Variants in ROBO2 observed in about 807,000 individuals in gnomAD.
The protein encoded by ROBO2 is roundabout homolog 2.
ROBO2 carries 53 observed loss-of-function variants against 160.8 expected under a neutral mutation model. The ratio of observed to expected loss-of-function variants is 0.33; its 90% confidence interval spans 0.26 to 0.41. The LOEUF is 0.41. Ranked by LOEUF, ROBO2 falls within the 10% of genes least tolerant of loss-of-function variation. The pLI is 1.00. For synonymous variants in ROBO2, 664 were observed against 611.7 expected (o/e 1.09, Z -1.26); for missense variants, 1,577 against 1,722.4 (o/e 0.92, Z 1.49).
intron 1 of ROBO2, among the ~76,000 whole-genome samples, chr3:75,916,998 CACACAT>C (rs1946840791): frequency 6.6e-6 from 1 of 151,914 alleles, no homozygotes; most frequent in Non-Finnish European, 1.5e-5. Flanking sequence ...TATATACACA[CACACAT>C]ACACATATTG....
intron 1 of ROBO2, among the ~76,000 whole-genome samples, chr3:77,059,801 A>G (rs544906864): frequency 6.6e-6 from 1 of 152,154 alleles, no homozygotes; most frequent in African/African-American, 2.4e-5. Context: ...CTCATACGTC[A>G]TGACATCAGG....
At chr3:76,185,203 T>TAC (rs1170992972) in intron 2 of ROBO2, among the ~76,000 whole-genome samples, 1 of 91,394 alleles carries the variant, frequency 1.1e-5, no homozygotes, top group African/African-American at 3.5e-5. Context: ...CAGATATATA[T>TAC]ATATATATAT....
At chr3:76,927,663 A>G (rs778448712) in intron 2 of ROBO2, among the ~76,000 whole-genome samples, 7 of 152,224 alleles carry the variant, frequency 4.6e-5, no homozygotes, top group Non-Finnish European at 1.0e-4. Context: ...TTTTAAATAT[A>G]TGCTTTTTCA....
chr3:77,457,303 CT>C (rs1039707696), intron 2 of ROBO2, among the ~76,000 whole-genome samples: 6 of 152,242 alleles, frequency 3.9e-5, no homozygotes, highest in East Asian at 1.9e-4. Flanking sequence ...ATTATTTCAA[CT>C]TTTTTTCTTT....
chr3:76,017,009 AAGC>A (rs2066424021), intron 2 of ROBO2, among the ~76,000 whole-genome samples: 1 of 152,160 alleles, frequency 6.6e-6, no homozygotes, highest in East Asian at 1.9e-4. Flanking sequence ...GAAAAAAAGA[AAGC>A]AGCCTGTGTT....
intron 2 of ROBO2, among the ~76,000 whole-genome samples, chr3:76,268,524 C>T (rs1437359224): frequency 6.6e-6 from 1 of 152,122 alleles, no homozygotes; most frequent in African/African-American, 2.4e-5. Context: ...TGTGTCCTCA[C>T]ATGGTCTTTC....
At chr3:77,315,740 T>G (rs1283808259) in intron 2 of ROBO2, among the ~76,000 whole-genome samples, 4 of 152,096 alleles carry the variant, frequency 2.6e-5, no homozygotes, top group Admixed American at 2.0e-4. Flanking sequence ...CGTCTTATTT[T>G]TAGAATAATA....
intron 2 of ROBO2, among the ~76,000 whole-genome samples, chr3:76,389,029 C>T (rs1160299901): frequency 1.3e-5 from 2 of 152,080 alleles, no homozygotes; most frequent in East Asian, 1.9e-4. Flanking sequence ...CTTAAAAAAA[C>T]TATACATAGA....
At chr3:76,666,405 T>G (rs1430912196) in intron 2 of ROBO2, among the ~76,000 whole-genome samples, 1 of 152,154 alleles carries the variant, frequency 6.6e-6, no homozygotes, top group African/African-American at 2.4e-5. Context: ...GACACTTATT[T>G]CAAGTATAAC....
intron 2 of ROBO2, among the ~76,000 whole-genome samples, chr3:76,046,513 G>A (rs1226108882): frequency 6.6e-6 from 1 of 150,838 alleles, no homozygotes; most frequent in Non-Finnish European, 1.5e-5. Flanking sequence ...GCCGGGCGTG[G>A]TGGCAGCGCC....
chr3:76,353,808 A>C (rs556903290), intron 2 of ROBO2, among the ~76,000 whole-genome samples: 1 of 151,870 alleles, frequency 6.6e-6, no homozygotes, highest in East Asian at 1.9e-4. Context: ...CTCTAAACGC[A>C]CTTCTAATTA....
chr3:76,305,685 G>C (rs1227639723), intron 2 of ROBO2, among the ~76,000 whole-genome samples: 2 of 151,636 alleles, frequency 1.3e-5, no homozygotes, highest in African/African-American at 4.9e-5. Flanking sequence ...CTTGAACCCA[G>C]GAGGCGGAGG....
chr3:76,511,302 T>G (rs768970564), intron 2 of ROBO2, among the ~76,000 whole-genome samples: 1 of 152,218 alleles, frequency 6.6e-6, no homozygotes, highest in Non-Finnish European at 1.5e-5. Context: ...TTCATTGTTA[T>G]GCTAATAAAA....
intron 2 of ROBO2, among the ~76,000 whole-genome samples, chr3:77,349,737 CT>C (rs1437831471): frequency 1.3e-5 from 2 of 152,144 alleles, no homozygotes; most frequent in Admixed American, 1.3e-4. Context: ...ACATCAGACT[CT>C]GTTAGTTAAT....
chr3:77,104,493 C>T (rs975409672), intron 2 of ROBO2, among the ~76,000 whole-genome samples: 6 of 152,056 alleles, frequency 3.9e-5, no homozygotes, highest in Non-Finnish European at 8.8e-5. Context: ...TTGCATTACT[C>T]CCACTTTTTT....
At chr3:76,826,250 T>A (rs1290923128) in intron 2 of ROBO2, among the ~76,000 whole-genome samples, 1 of 152,112 alleles carries the variant, frequency 6.6e-6, no homozygotes, top group Non-Finnish European at 1.5e-5. Flanking sequence ...GCATTGCAAT[T>A]GCCATGTAGA....
chr3:77,244,770 C>G (rs1044106322), intron 2 of ROBO2, among the ~76,000 whole-genome samples: 1 of 150,710 alleles, frequency 6.6e-6, no homozygotes, highest in East Asian at 2.0e-4. Flanking sequence ...CCCAGCTACT[C>G]GGGAGGCTGA....
rs531938509 is a variant in ROBO2 at position 76,668,204 on chromosome 3, A to G, written c.110-429810A>G. Among the ~76,000 whole-genome samples the G allele has an allele frequency of 9.9e-5, 15 of 152,140 alleles. No individual in the cohort carries two copies. In the South Asian group the frequency reaches 2.7e-3, roughly 27 times the overall value. ...AGCCTCGACCTCCTAGACTCTGGTG[A>G]TCCTCCCACCTCAGCTTCTGGAGTA... On this transcript the variant is annotated intron_variant, in intron 2 of 26. Transcript: ENST00000487694.
chr3:77,088,711 C>T (rs72631217), intron 1 of ROBO2, among the ~76,000 whole-genome samples: 14,907 of 152,060 alleles, frequency 0.098, 798 homozygotes, highest in East Asian at 0.23. Flanking sequence ...TTCTAAGGTA[C>T]GTTTTCAGTC....
Sources: allele counts gnomAD v4.1 joint callset (sites outside exome capture counted in the v4.1 genomes callset), GRCh38; gene constraint gnomAD v4.1.1; transcripts MANE v1.5; gene names NCBI Gene and HGNC (gene_info 2026-07-23, HGNC 2026-07-21).